ABCA13: variants seen among roughly 807,000 people sequenced by gnomAD.
The protein encoded by ABCA13 is ATP binding cassette subfamily A member 13, also known as ATP-binding cassette sub-family A member 13.
ABCA13 carries 476 observed loss-of-function variants against 478.7 expected under a neutral mutation model. The ratio of observed to expected loss-of-function variants is 0.99; its 90% confidence interval spans 0.92 to 1.07. The LOEUF is 1.07. Ranked by LOEUF, ABCA13 falls within the 50% of genes least tolerant of loss-of-function variation. The pLI is 0.00. For synonymous variants in ABCA13, 2,252 were observed against 2,158.9 expected (o/e 1.04, Z -1.20); for missense variants, 6,060 against 5,910.6 (o/e 1.03, Z -0.83).
At chr7:48,299,531 G>T (rs887595801) in intron 23 of ABCA13, among the ~76,000 whole-genome samples, 1 of 152,074 alleles carries the variant, frequency 6.6e-6, no homozygotes, top group African/African-American at 2.4e-5. Context: ...TCCCTACCTC[G>T]CATGATGCCT....
intron 27 of ABCA13, among the ~76,000 whole-genome samples, chr7:48,326,331 G>A (rs1320709035): frequency 2.0e-5 from 3 of 152,234 alleles, no homozygotes; most frequent in African/African-American, 7.2e-5. Context: ...AACAGGCAAT[G>A]AAGGGTGAAT....
chr7:48,227,337 CTACTTT>C lies in ABCA13; in HGVS notation c.549_554del (p.Leu184_Leu185del). ...TCAGCAGCCTCATATCTGGGATTTT[CTACTTT>C]TACTGCCGAGACTACACACAAGCCA... is the stretch of plus-strand genomic sequence containing the variant. On this transcript the variant is annotated inframe_deletion, in exon 6 of 62. Coordinates refer to ENST00000435803, the MANE Select transcript of ABCA13 (RefSeq NM_152701.5). 3.8e-6 allele frequency: 6 copies of C among 1,559,384 alleles called. No homozygotes were observed. Among genetic ancestry groups the C allele is most frequent in the Non-Finnish European group, 5.2e-6 (6 of 1,153,570 alleles).
intron 59 of ABCA13, among the ~76,000 whole-genome samples, chr7:48,634,024 C>G (rs1225852060): frequency 1.3e-5 from 2 of 152,072 alleles, no homozygotes; most frequent in African/African-American, 2.4e-5. Context: ...ACCAAGATTT[C>G]TCAAAACCAC....
intron 41 of ABCA13, among the ~76,000 whole-genome samples, chr7:48,418,819 C>T (rs1820369111): frequency 6.6e-6 from 1 of 152,110 alleles, no homozygotes; most frequent in South Asian, 2.1e-4. Flanking sequence ...TACAGAATAC[C>T]TTGCATTATA....
At chr7:48,523,958 T>C (rs1346043099) in intron 53 of ABCA13, among the ~76,000 whole-genome samples, 1 of 152,202 alleles carries the variant, frequency 6.6e-6, no homozygotes, top group Non-Finnish European at 1.5e-5. Context: ...TTTAGTACAA[T>C]TAATCTGGCA....
chr7:48,411,553 C>T (rs1819240720), intron 40 of ABCA13, among the ~76,000 whole-genome samples: 1 of 152,104 alleles, frequency 6.6e-6, no homozygotes, highest in South Asian at 2.1e-4. Context: ...GGTGATCCAC[C>T]AACCTCGGCC....
chr7:48,357,476 T>G (rs1471252312), intron 31 of ABCA13, among the ~76,000 whole-genome samples: 1 of 151,998 alleles, frequency 6.6e-6, no homozygotes, highest in Non-Finnish European at 1.5e-5. Context: ...TTTACAATTC[T>G]TCACTTTCTC....
At chr7:48,450,913 AT>A (rs1824922253) in intron 42 of ABCA13, among the ~76,000 whole-genome samples, 1 of 151,068 alleles carries the variant, frequency 6.6e-6, no homozygotes, top group Non-Finnish European at 1.5e-5. Flanking sequence ...TTGTATTGTA[AT>A]TTGTTCAGTT....
At chr7:48,454,216 G>A (rs1192315073) in intron 42 of ABCA13, among the ~76,000 whole-genome samples, 1 of 152,138 alleles carries the variant, frequency 6.6e-6, no homozygotes, top group Non-Finnish European at 1.5e-5. Context: ...TGCTTTGGAC[G>A]TCGTTTAAGA....
At chr7:48,550,675 A>G (rs1378665924) in intron 55 of ABCA13, among the ~76,000 whole-genome samples, 1 of 151,652 alleles carries the variant, frequency 6.6e-6, no homozygotes, top group East Asian at 1.9e-4. Context: ...GAATCCATCT[A>G]TTTATCTATC....
intron 45 of ABCA13, 46 bp downstream of exon 45, chr7:48,471,645 G>T: frequency 6.7e-7 from 1 of 1,499,376 alleles, no homozygotes; most frequent in Non-Finnish European, 9.0e-7. Flanking sequence ...TAAAATTCAA[G>T]TGACAAAAAT....
chr7:48,427,672 G>A (rs1320434333), intron 41 of ABCA13, 94 bp from the exon 42 acceptor site: 3 of 776,362 alleles, frequency 3.9e-6, no homozygotes, highest in Non-Finnish European at 6.5e-6. Flanking sequence ...GGCATATGTT[G>A]TCACAACCGG....
In ABCA13 at chr7:48,335,459, C is replaced by CT. The variant is rs1806105935; in HGVS notation, c.10040dup (p.Leu3347PhefsTer44). ...TTTTATATTGTGGACAAACTAAAAA[C>CT]TTTATCAGAAACACTGCTGGAAATG... On this transcript the variant is annotated frameshift_variant, in exon 28 of 62. Coordinates refer to ENST00000435803, the MANE Select transcript of ABCA13 (RefSeq NM_152701.5). LOFTEE classifies it high-confidence loss of function. 1.2e-6 allele frequency: 2 copies of CT among 1,612,828 alleles called. No individual in the cohort carries two copies. Among genetic ancestry groups the CT allele is most frequent in the Non-Finnish European group, 1.7e-6 (2 of 1,179,336 alleles).
At chr7:48,375,323 T>C (rs1301029961) in intron 34 of ABCA13, among the ~76,000 whole-genome samples, 1 of 152,172 alleles carries the variant, frequency 6.6e-6, no homozygotes, top group African/African-American at 2.4e-5. Flanking sequence ...CTGGATCCTC[T>C]ACCCATGTTT....
intron 3 of ABCA13, among the ~76,000 whole-genome samples, chr7:48,210,785 A>G (rs1350791675): frequency 6.6e-6 from 1 of 152,132 alleles, no homozygotes; most frequent in African/African-American, 2.4e-5. Flanking sequence ...AGAGTGTTCC[A>G]TATTCTAAAA....
At chr7:48,392,183 TGTGTAAGGAA>T (rs774604665) in intron 38 of ABCA13, 44 bp downstream of exon 38, 69 of 1,565,920 alleles carry the variant, frequency 4.4e-5, no homozygotes, top group Admixed American at 4.2e-4. Flanking sequence ...CTCTGCCCAT[TGTGTAAGGAA>T]GTGAAGACAA....
chr7:48,590,272 TACAC>T (rs3031438), intron 57 of ABCA13, among the ~76,000 whole-genome samples: 13 of 149,070 alleles, frequency 8.7e-5, no homozygotes, highest in Middle Eastern at 3.4e-3. Context: ...AATATTTCAT[TACAC>T]ACACACACAC....
rs541379502 is a variant in ABCA13 at position 48,374,238 on chromosome 7, C to T, written c.11134-109C>T. ...GCCTGAAGCGATGGTTGGGCGTCATCAGAATGAAAAGTTGTCATGGCTTCG... is the reference window on the plus strand; with the variant it reads ...GCCTGAAGCGATGGTTGGGCGTCATTAGAATGAAAAGTTGTCATGGCTTCG... On this transcript the variant is annotated intron_variant, in intron 33 of 61. Coordinates refer to ENST00000435803, the MANE Select transcript of ABCA13 (RefSeq NM_152701.5). 49 of 951,434 alleles carry T rather than the reference C, an allele frequency of 5.2e-5. 1 individual carries two copies. In the Admixed American group the frequency reaches 5.5e-4, roughly 11 times the overall value. 58.9% of individuals were successfully genotyped at this position (951,434 alleles called of 1,614,324 possible).
intron 55 of ABCA13, among the ~76,000 whole-genome samples, chr7:48,529,241 C>T (rs1408203360): frequency 6.6e-6 from 1 of 152,192 alleles, no homozygotes; most frequent in Non-Finnish European, 1.5e-5. Context: ...CAAGTTTACC[C>T]TAACAGCAAA....
Sources: gnomAD v4.1 joint callset for allele counts (sites outside exome capture counted in the v4.1 genomes callset) on GRCh38, gnomAD v4.1.1 for gene constraint, MANE v1.5 for transcripts, NCBI Gene and HGNC (gene_info 2026-07-23, HGNC 2026-07-21) for gene names.